The following DDAH1 variants were observed in gnomAD, a reference collection of about 807,000 sequenced individuals.
DDAH1 encodes dimethylarginine dimethylaminohydrolase 1.
In DDAH1, 19 loss-of-function variants were observed where a neutral mutation model predicts 28.8. The observed-to-expected ratio is 0.66, with a 90% CI of 0.46 to 0.97. DDAH1 has a LOEUF of 0.97. Ranked by LOEUF, DDAH1 falls within the 50% of genes least tolerant of loss-of-function variation. DDAH1 has a pLI of 0.00. For synonymous variants in DDAH1, 153 were observed against 154.4 expected (o/e 0.99, Z 0.07); for missense variants, 326 against 375.9 (o/e 0.87, Z 1.10).
upstream of DDAH1, among the ~76,000 whole-genome samples, chr1:85,466,538 C>T (rs1316953555): frequency 1.3e-5 from 2 of 151,906 alleles, no homozygotes; most frequent in African/African-American, 4.8e-5. Context: ...CATGAGCTAC[C>T]ACGCCCTGCC....
intron 1 of DDAH1, among the ~76,000 whole-genome samples, chr1:85,384,222 C>G (rs889682066): frequency 6.6e-6 from 1 of 152,148 alleles, no homozygotes; most frequent in African/African-American, 2.4e-5. Flanking sequence ...CTTTCTCTAG[C>G]TTTGGGTAGT....
intron 2 of DDAH1, among the ~76,000 whole-genome samples, chr1:85,490,430 T>C (rs1332591757): frequency 2.0e-5 from 3 of 152,208 alleles, no homozygotes; most frequent in Admixed American, 2.0e-4. Context: ...CCCACTAATG[T>C]AATGATGAGT....
intron 1 of DDAH1, among the ~76,000 whole-genome samples, chr1:85,412,898 G>A (rs1390012283): frequency 2.0e-5 from 3 of 152,172 alleles, no homozygotes; most frequent in South Asian, 2.1e-4. Flanking sequence ...CTACTTGGGA[G>A]ACTGAGGTGG....
chr1:85,329,960 T>G (rs941137509), intron 4 of DDAH1, among the ~76,000 whole-genome samples: 11 of 152,254 alleles, frequency 7.2e-5, no homozygotes, highest in Non-Finnish European at 1.5e-4. Context: ...AGGTGCTTAT[T>G]ATAAACACAA....
chr1:85,513,110 G>C (rs1225820743), intron 1 of DDAH1, among the ~76,000 whole-genome samples: 1 of 152,040 alleles, frequency 6.6e-6, no homozygotes, highest in Non-Finnish European at 1.5e-5. Context: ...ATACTACAAG[G>C]CTACAGTAAC....
At chr1:85,357,773 A>G (rs1289368222) in intron 2 of DDAH1, among the ~76,000 whole-genome samples, 1 of 152,248 alleles carries the variant, frequency 6.6e-6, no homozygotes, top group East Asian at 1.9e-4. Flanking sequence ...GCTCATCAGT[A>G]TAACCAGAAT....
intron 1 of DDAH1, among the ~76,000 whole-genome samples, chr1:85,393,198 T>C (rs756471939): frequency 2.6e-5 from 4 of 152,250 alleles, no homozygotes; most frequent in African/African-American, 4.8e-5. Context: ...ACACTATGTA[T>C]CATCTTTACT....
At chr1:85,431,151 A>C (rs184227804) in intron 1 of DDAH1, among the ~76,000 whole-genome samples, 1 of 152,256 alleles carries the variant, frequency 6.6e-6, no homozygotes, top group Non-Finnish European at 1.5e-5. Flanking sequence ...TGAGATAATC[A>C]TGTGGTTTTT....
At chr1:85,476,068 CCCAGGCT>C (rs1247685610) in intron 2 of DDAH1, among the ~76,000 whole-genome samples, 4 of 152,046 alleles carry the variant, frequency 2.6e-5, no homozygotes, top group Non-Finnish European at 5.9e-5. Context: ...CGCCATATTG[CCCAGGCT>C]GGTCTCAAAC....
intron 1 of DDAH1, among the ~76,000 whole-genome samples, chr1:85,441,311 G>A (rs531245830): frequency 1.3e-5 from 2 of 152,308 alleles, no homozygotes; most frequent in South Asian, 4.1e-4. Context: ...GGGAGGACAA[G>A]GCAGGCAGGT....
upstream of DDAH1, among the ~76,000 whole-genome samples, chr1:85,466,587 A>G (rs751997678): frequency 1.2e-3 from 190 of 152,182 alleles, no homozygotes; most frequent in Non-Finnish European, 2.3e-3. Flanking sequence ...TGACACTGAC[A>G]TTGGGAAGTG....
intron 1 of DDAH1, among the ~76,000 whole-genome samples, chr1:85,413,113 C>T (rs1652734571): frequency 6.6e-6 from 1 of 152,206 alleles, no homozygotes; most frequent in Non-Finnish European, 1.5e-5. Context: ...CACCAGGCTG[C>T]TACATGACTA....
At chr1:85,414,223 T>C (rs1399846040) in intron 1 of DDAH1, among the ~76,000 whole-genome samples, 1 of 152,078 alleles carries the variant, frequency 6.6e-6, no homozygotes, top group African/African-American at 2.4e-5. Flanking sequence ...GAGAGCATTG[T>C]AGATCAGCAG....
intron 1 of DDAH1, among the ~76,000 whole-genome samples, chr1:85,377,788 T>C (rs994686477): frequency 2.6e-5 from 4 of 151,840 alleles, no homozygotes; most frequent in Non-Finnish European, 4.4e-5. Context: ...GACTGAAGAT[T>C]TGGCTTCCCA....
intron 1 of DDAH1, among the ~76,000 whole-genome samples, chr1:85,510,845 T>C (rs928249121): frequency 6.6e-6 from 1 of 152,142 alleles, no homozygotes; most frequent in African/African-American, 2.4e-5. Context: ...CCCAGATTCA[T>C]AAAGCAAGTC....
chr1:85,382,259 GT>G (rs1484422446), intron 1 of DDAH1, among the ~76,000 whole-genome samples: 1 of 152,184 alleles, frequency 6.6e-6, no homozygotes, highest in African/African-American at 2.4e-5. Context: ...TATGGAGAAA[GT>G]TTTAGTGGTC....
At chr1:85,366,857 T>C (rs921580596) in intron 1 of DDAH1, among the ~76,000 whole-genome samples, 1 of 152,164 alleles carries the variant, frequency 6.6e-6, no homozygotes, top group Non-Finnish European at 1.5e-5. Context: ...TTATATTTTA[T>C]TTTTTTGGAA....
chr1:85,374,587 G>A (rs1433318698), intron 1 of DDAH1, among the ~76,000 whole-genome samples: 2 of 152,168 alleles, frequency 1.3e-5, no homozygotes, highest in South Asian at 2.1e-4. Flanking sequence ...GTATAGATAA[G>A]TCAAATAGAA....
chr1:85,470,061 G>C (rs546877771), upstream of DDAH1, among the ~76,000 whole-genome samples: 1 of 152,278 alleles, frequency 6.6e-6, no homozygotes, highest in African/African-American at 2.4e-5. Flanking sequence ...AGGCATTCCT[G>C]TCTTACTCTT....
Sources: allele counts gnomAD v4.1 joint callset (sites outside exome capture counted in the v4.1 genomes callset), GRCh38; gene constraint gnomAD v4.1.1; transcripts MANE v1.5; gene names NCBI Gene and HGNC (gene_info 2026-07-23, HGNC 2026-07-21).